The following SLC6A7 variants were observed in gnomAD, a reference collection of about 807,000 sequenced individuals.
SLC6A7 encodes the protein sodium-dependent proline transporter.
Under a neutral mutation model 73.1 loss-of-function variants are expected in SLC6A7, and 58 were observed. That is an observed-to-expected ratio of 0.79 (90% CI 0.64 to 0.99). The LOEUF is 0.99. Ranked by LOEUF, SLC6A7 falls within the 50% of genes least tolerant of loss-of-function variation. The pLI is 0.00. For synonymous variants in SLC6A7, 338 were observed against 338.7 expected (o/e 1.00, Z 0.02); for missense variants, 783 against 831.4 (o/e 0.94, Z 0.72).
intron 13 of SLC6A7, among the ~76,000 whole-genome samples, chr5:150,207,235 C>T (rs115853633): frequency 6.6e-6 from 1 of 152,048 alleles, no homozygotes; most frequent in Non-Finnish European, 1.5e-5. Flanking sequence ...GCATAGTATC[C>T]AATAGGCAGG....
intron 1 of SLC6A7, among the ~76,000 whole-genome samples, chr5:150,191,305 T>C (rs1752771935): frequency 6.6e-6 from 1 of 152,118 alleles, no homozygotes; most frequent in East Asian, 1.9e-4. Context: ...CAGGGGCTGG[T>C]GTTATCAACC....
In SLC6A7 at chr5:150,204,048, G is replaced by T; in HGVS notation, c.1332+10G>T. 6.2e-7 allele frequency: 1 copy of T among 1,610,530 alleles called. No individual in the cohort carries two copies. ...GATCCTCACCACTGATGTGAGTGGC[G>T]CTACAGGGAGGATGGCAGGTGGGCG... On this transcript the variant is annotated intron_variant, in intron 10 of 13. Coordinates refer to ENST00000230671, the MANE Select transcript of SLC6A7 (RefSeq NM_014228.5).
At chr5:150,202,225 ATGACCACGCCATCCCTCG>A (rs1025268800) in intron 6 of SLC6A7, 104 bp from the exon 7 acceptor site, 20 of 713,262 alleles carry the variant, frequency 2.8e-5, no homozygotes, top group Non-Finnish European at 4.5e-5. Context: ...AGCCAGGCTC[ATGACCACGCCATCCCTCG>A]TGACCACGCC....
At chr5:150,196,995 G>A in intron 3 of SLC6A7, 47 bp from the exon 4 acceptor site, 1 of 1,577,452 alleles carries the variant, frequency 6.3e-7, no homozygotes, top group Non-Finnish European at 8.7e-7. Flanking sequence ...CCACCCGGCT[G>A]GCAGAGAGCT....
At chr5:150,191,982 G>A (rs781555480) in intron 1 of SLC6A7, among the ~76,000 whole-genome samples, 1 of 151,888 alleles carries the variant, frequency 6.6e-6, no homozygotes, top group African/African-American at 2.4e-5. Context: ...GGCACAGAGG[G>A]GTGAGACTCA....
Position 150,209,766 on chromosome 5 carries a change from C to T in SLC6A7, c.*151C>T, listed in dbSNP as rs981837342. On this transcript the variant is annotated 3_prime_UTR_variant, in exon 14 of 14. Coordinates refer to ENST00000230671, the MANE Select transcript of SLC6A7 (RefSeq NM_014228.5). ...AGTCCCCCAGTGGGGGTCCCTTCTG[C>T]AGCCTCTGCCTCTCCTGAAACCTCT... 3 of 652,374 alleles carry T rather than the reference C, an allele frequency of 4.6e-6. No homozygotes were observed. The African/African-American group carries it at 5.5e-5, about 12-fold the overall frequency. The allele number at this position is 652,374 out of a possible 1,614,324, so 40.4% of individuals were successfully genotyped here. A position where few individuals can be genotyped will look rare whatever the true frequency, so the allele number is the denominator to read the frequency against.
chr5:150,192,329 G>T (rs569589544), intron 1 of SLC6A7, among the ~76,000 whole-genome samples: 1 of 152,146 alleles, frequency 6.6e-6, no homozygotes. Flanking sequence ...CTTGGCTTGG[G>T]CAGTCTTGAG....
intron 13 of SLC6A7, among the ~76,000 whole-genome samples, chr5:150,206,497 C>A (rs1190131225): frequency 6.6e-6 from 1 of 152,198 alleles, no homozygotes; most frequent in African/African-American, 2.4e-5. Flanking sequence ...TTGCACCCCA[C>A]CCCACAGTCT....
chr5:150,190,916 C>A (rs1302206307), intron 1 of SLC6A7, among the ~76,000 whole-genome samples: 1 of 152,156 alleles, frequency 6.6e-6, no homozygotes, highest in Non-Finnish European at 1.5e-5. Flanking sequence ...GAGGCAAAGA[C>A]AGGGAGGGGG....
chr5:150,209,562 A>T lies in SLC6A7; in HGVS notation c.1858A>T (p.Thr620Ser), dbSNP rs1580877591. ...KYGGITSFENTAIEVDREIAE... is the reference protein window; with the variant it reads ...KYGGITSFENSAIEVDREIAE... ...CGGGGGCATCACCAGCTTCGAGAAC[A>T]CGGCCATCGAGGTGGACCGTGAGAT... The change falls in exon 14 of 14, where the codon ACG becomes TCG. Residue 620 changes from threonine (T) to serine (S), a missense_variant. Physicochemically the swap from Thr to Ser is moderately conservative, Grantham distance 58. Transcript: ENST00000230671. The T allele has an allele frequency of 1.9e-6, 3 of 1,613,892 alleles. No homozygotes were observed. In the East Asian group the frequency reaches 6.7e-5, roughly 36 times the overall value.
chr5:150,204,995 C>A, intron 12 of SLC6A7, 68 bp downstream of exon 12: 1 of 1,026,134 alleles, frequency 9.7e-7, no homozygotes, highest in Non-Finnish European at 1.5e-6. Context: ...CCCCTCTGCA[C>A]GTTCAGTCTG....
At chr5:150,202,556 C>T (rs566499595) in intron 7 of SLC6A7, 23 bp from the exon 8 acceptor site, 43 of 1,613,268 alleles carry the variant, frequency 2.7e-5, no homozygotes, top group Middle Eastern at 1.7e-4. Flanking sequence ...CACCCTGGCC[C>T]GCACCTGGAC....
rs73796363 is a variant in SLC6A7, at chr5:150,200,009, C to T, written c.723+643C>T. 6.4e-3 allele frequency among the ~76,000 whole-genome samples: 979 copies of T among 152,208 alleles called. 9 individuals carry two copies. Among genetic ancestry groups the T allele is most frequent in the African/African-American group, 0.022 (926 of 41,510 alleles). ...CATCCCTAAATTAATCCCTGTGGCC[C>T]GGAGGATGGAATGCTTTTCTTGGCT... On this transcript the variant is annotated intron_variant, in intron 5 of 13. Coordinates refer to ENST00000230671, the MANE Select transcript of SLC6A7 (RefSeq NM_014228.5).
intron 4 of SLC6A7, among the ~76,000 whole-genome samples, chr5:150,198,171 C>T (rs1274345020): frequency 6.6e-6 from 1 of 152,054 alleles, no homozygotes; most frequent in Non-Finnish European, 1.5e-5. Flanking sequence ...CAGTATTGCT[C>T]AGTAATTAGT....
At chr5:150,208,890 C>A (rs1033927906) in intron 13 of SLC6A7, among the ~76,000 whole-genome samples, 2 of 152,184 alleles carry the variant, frequency 1.3e-5, no homozygotes, top group African/African-American at 4.8e-5. Flanking sequence ...TGGAAGAAAC[C>A]GGGAAAGCCA....
intron 1 of SLC6A7, among the ~76,000 whole-genome samples, chr5:150,194,095 T>C (rs1223011392): frequency 1.3e-5 from 2 of 152,162 alleles, no homozygotes; most frequent in African/African-American, 4.8e-5. Context: ...ACTAAGATCA[T>C]CATCATGCTC....
rs564789374 is a variant in SLC6A7, at chr5:150,198,015, C to G, written c.584+739C>G. 3.5e-5 allele frequency among the ~76,000 whole-genome samples: 5 copies of G among 144,360 alleles called. No homozygotes were observed. The South Asian group carries it at 1.1e-3, about 31-fold the overall frequency. 94.7% of individuals were successfully genotyped at this position (144,360 alleles called of 152,430 possible). A position where few individuals can be genotyped will look rare whatever the true frequency, so the allele number is the denominator to read the frequency against. On this transcript the variant is annotated intron_variant, in intron 4 of 13. Transcript: ENST00000230671. The stretch of plus-strand genomic sequence containing the variant: ...CCATTTTATGGTCAATAAAACAAAG[C>G]CTTGTCACTGCATTCTGCCTTTAAA...
chr5:150,209,817 G>T lies in SLC6A7; in HGVS notation c.*202G>T. On this transcript the variant is annotated 3_prime_UTR_variant, in exon 14 of 14. Coordinates refer to ENST00000230671, the MANE Select transcript of SLC6A7 (RefSeq NM_014228.5). Reference sequence around the variant, plus strand: ...GACAACCCCCTACACACACACACAGGCATACTCAGACCCACTCAAAGCTGA... The same window carrying T: ...GACAACCCCCTACACACACACACAGTCATACTCAGACCCACTCAAAGCTGA... The T allele has an allele frequency of 1.7e-6, 1 of 597,086 alleles. No individual in the cohort carries two copies. Among genetic ancestry groups the T allele is most frequent in the East Asian group, 2.8e-5 (1 of 35,712 alleles). The allele number at this position is 597,086 out of a possible 1,614,324, so 37.0% of individuals were successfully genotyped here.
At chr5:150,199,804 C>T (rs181150704) in intron 5 of SLC6A7, among the ~76,000 whole-genome samples, 3 of 152,326 alleles carry the variant, frequency 2.0e-5, no homozygotes, top group African/African-American at 7.2e-5. Flanking sequence ...CATCAGGAAG[C>T]TGGTTCTCTG....
Sources: gnomAD v4.1 joint callset for allele counts (sites outside exome capture counted in the v4.1 genomes callset) on GRCh38, gnomAD v4.1.1 for gene constraint, MANE v1.5 for transcripts, NCBI Gene and HGNC (gene_info 2026-07-23, HGNC 2026-07-21) for gene names.